Variants in PLPPR5 observed in about 807,000 individuals in gnomAD.
The protein encoded by PLPPR5 is phospholipid phosphatase-related protein type 5.
Under a neutral mutation model 33.9 loss-of-function variants are expected in PLPPR5, and 16 were observed. The ratio of observed to expected loss-of-function variants is 0.47; its 90% confidence interval spans 0.32 to 0.72. PLPPR5 has a LOEUF of 0.72. Among genes scored for constraint, PLPPR5 ranks in the 30% least tolerant of loss-of-function variants. PLPPR5 has a pLI of 0.03. For missense variants in PLPPR5, 301 were observed against 406.7 expected (o/e 0.74, Z 2.23); for synonymous variants, 163 against 150.3 (o/e 1.08, Z -0.62).
At chr1:98,942,756 C>G (rs1650422673) in intron 3 of PLPPR5, among the ~76,000 whole-genome samples, 1 of 152,152 alleles carries the variant, frequency 6.6e-6, no homozygotes, top group African/African-American at 2.4e-5. Flanking sequence ...ATGTACACAT[C>G]ATGTGAGAAC....
chr1:98,946,814 G>A (rs900234940), intron 3 of PLPPR5, among the ~76,000 whole-genome samples: 4 of 152,114 alleles, frequency 2.6e-5, no homozygotes, highest in East Asian at 3.8e-4. Flanking sequence ...TTTGAAGGAC[G>A]CGTGAAAATA....
chr1:98,933,437 C>G (rs911596169), intron 3 of PLPPR5, among the ~76,000 whole-genome samples: 5 of 141,654 alleles, frequency 3.5e-5, no homozygotes, highest in African/African-American at 1.3e-4. Flanking sequence ...GAGTTGAGAT[C>G]GTGCCACTGC....
intron 1 of PLPPR5, among the ~76,000 whole-genome samples, chr1:98,987,856 G>A (rs1044842329): frequency 1.3e-5 from 2 of 151,802 alleles, no homozygotes; most frequent in African/African-American, 2.4e-5. Context: ...CTAGGTTTAA[G>A]AAAATATGTT....
At position 99,004,471 on chromosome 1, in the gene PLPPR5, G is replaced by A; in HGVS notation, c.201C>T (p.Leu67=). ...PEDSSAVPPV[L]LYSLAAGVPV... ...GGACCCCGGCGGCCAGCGAGTAGAGGAGCACGGGGGGCACGGCGCTGCTGT... is the reference window on the plus strand; with the variant it reads ...GGACCCCGGCGGCCAGCGAGTAGAGAAGCACGGGGGGCACGGCGCTGCTGT... Residue 67 remains leucine, a synonymous_variant, in exon 1 of 6, where the codon CTC becomes CTT. Transcript: ENST00000263177. 6.2e-7 allele frequency: 1 copy of A among 1,611,858 alleles called. No individual in the cohort carries two copies. Among genetic ancestry groups the A allele is most frequent in the Non-Finnish European group, 8.5e-7 (1 of 1,179,282 alleles).
intron 3 of PLPPR5, among the ~76,000 whole-genome samples, chr1:98,940,903 A>G (rs569545718): frequency 1.3e-5 from 2 of 151,936 alleles, no homozygotes; most frequent in Non-Finnish European, 2.9e-5. Flanking sequence ...AGGAATGTCA[A>G]TAATCAAATC....
chr1:98,894,247 C>T (rs77647527), intron 5 of PLPPR5, among the ~76,000 whole-genome samples: 4 of 151,960 alleles, frequency 2.6e-5, no homozygotes, highest in Admixed American at 2.0e-4. Flanking sequence ...TTTAATTTCC[C>T]ATTTAAAAAT....
chr1:99,003,295 TA>T (rs925690866), intron 1 of PLPPR5, among the ~76,000 whole-genome samples: 4 of 149,510 alleles, frequency 2.7e-5, no homozygotes, highest in Non-Finnish European at 3.0e-5. Flanking sequence ...CTCCTAAAAT[TA>T]AAAAAAAAGA....
chr1:98,979,801 C>G (rs1651992576), intron 1 of PLPPR5, among the ~76,000 whole-genome samples: 1 of 152,018 alleles, frequency 6.6e-6, no homozygotes. Flanking sequence ...ATCTGACCAG[C>G]CTGCCTCATC....
chr1:98,915,734 A>T lies in PLPPR5; in HGVS notation c.799-814T>A, dbSNP rs111965226. 8.4e-3 allele frequency among the ~76,000 whole-genome samples: 1,281 copies of T among 152,282 alleles called. 17 individuals carry two copies. Among genetic ancestry groups the T allele is most frequent in the African/African-American group, 0.029 (1,209 of 41,548 alleles). On this transcript the variant is annotated intron_variant, in intron 4 of 5. Transcript: ENST00000263177. Reference sequence around the variant, plus strand: ...ATACATTTTTGGCATTGTTAAAAATACATATTCCTAAGCCCTCCCCTAAAG... The same window carrying T: ...ATACATTTTTGGCATTGTTAAAAATTCATATTCCTAAGCCCTCCCCTAAAG...
chr1:98,957,270 G>T (rs1651049127), intron 1 of PLPPR5, among the ~76,000 whole-genome samples: 1 of 151,438 alleles, frequency 6.6e-6, no homozygotes, highest in South Asian at 2.1e-4. Context: ...GCACCAGCAT[G>T]GCACATGTAT....
At chr1:98,955,241 TAAG>T (rs1302855402) in intron 2 of PLPPR5, among the ~76,000 whole-genome samples, 8 of 152,104 alleles carry the variant, frequency 5.3e-5, no homozygotes, top group Non-Finnish European at 1.0e-4. Flanking sequence ...TAAAATCATA[TAAG>T]AAGAAGCATG....
rs758783181 is a variant in PLPPR5, at chr1:99,004,714, C to G, written c.-43G>C. The G allele has an allele frequency of 7.3e-7, 1 of 1,361,460 alleles. No homozygotes were observed. Among genetic ancestry groups the G allele is most frequent in the East Asian group, 2.9e-5 (1 of 34,286 alleles). The allele number at this position is 1,361,460 out of a possible 1,614,324, so 84.3% of individuals were successfully genotyped here. A position where few individuals can be genotyped will look rare whatever the true frequency, so the allele number is the denominator to read the frequency against. On this transcript the variant is annotated 5_prime_UTR_variant, in exon 1 of 6. Transcript: ENST00000263177. ...GGCCGAGCCGAGCCGAGCGGGCGGTCGACGCGGTGGGCCCCCTCCCCGGTC... is the reference window on the plus strand; with the variant it reads ...GGCCGAGCCGAGCCGAGCGGGCGGTGGACGCGGTGGGCCCCCTCCCCGGTC...
At chr1:98,904,860 G>A (rs1343652025) in intron 5 of PLPPR5, among the ~76,000 whole-genome samples, 3 of 152,216 alleles carry the variant, frequency 2.0e-5, no homozygotes, top group African/African-American at 7.2e-5. Flanking sequence ...ATGGGTAGGG[G>A]AGAGGGATGG....
At chr1:98,949,571 A>G (rs576842795) in intron 3 of PLPPR5, among the ~76,000 whole-genome samples, 1 of 152,344 alleles carries the variant, frequency 6.6e-6, no homozygotes, top group East Asian at 1.9e-4. Flanking sequence ...GAGGATATTG[A>G]ATATATGGCT....
chr1:98,995,934 T>C (rs891804766), intron 1 of PLPPR5, among the ~76,000 whole-genome samples: 1 of 152,056 alleles, frequency 6.6e-6, no homozygotes, highest in Non-Finnish European at 1.5e-5. Flanking sequence ...CATGACCAAA[T>C]TGGCTTGAAT....
intron 5 of PLPPR5, among the ~76,000 whole-genome samples, chr1:98,895,580 A>G (rs1010682419): frequency 6.6e-6 from 1 of 152,068 alleles, no homozygotes; most frequent in African/African-American, 2.4e-5. Context: ...ATTTTAAGCC[A>G]TAATACTCTT....
intron 1 of PLPPR5, among the ~76,000 whole-genome samples, chr1:98,982,748 C>G (rs1460504439): frequency 6.6e-6 from 1 of 152,062 alleles, no homozygotes; most frequent in Non-Finnish European, 1.5e-5. Flanking sequence ...CTGCTGACAA[C>G]TCCAGAGATC....
chr1:98,943,083 T>G lies in PLPPR5; in HGVS notation c.621+9987A>C, dbSNP rs565539874. On this transcript the variant is annotated intron_variant, in intron 3 of 5. Transcript: ENST00000263177. ...CTTAATACACAGAAAGTTATAGAGG[T>G]GGTTTATAGAACATAGCATCCCTTA... Among the ~76,000 whole-genome samples, 25 of 152,140 alleles carry G rather than the reference T, an allele frequency of 1.6e-4. 1 individual carries two copies. In the South Asian group the frequency reaches 4.2e-3, roughly 25 times the overall value.
chr1:98,949,781 G>A (rs762196900), intron 3 of PLPPR5, among the ~76,000 whole-genome samples: 1 of 152,140 alleles, frequency 6.6e-6, no homozygotes, highest in South Asian at 2.1e-4. Flanking sequence ...GTTATATTCA[G>A]AGTTGCCATA....
Sources: gnomAD v4.1 joint callset for allele counts (sites outside exome capture counted in the v4.1 genomes callset) on GRCh38, gnomAD v4.1.1 for gene constraint, MANE v1.5 for transcripts, NCBI Gene and HGNC (gene_info 2026-07-23, HGNC 2026-07-21) for gene names.